Variants in A2ML1 observed in about 807,000 individuals in gnomAD.
The protein encoded by A2ML1 is alpha-2-macroglobulin-like protein 1.
A neutral mutation model predicts 181.9 loss-of-function variants in A2ML1; 161 were observed. The ratio of observed to expected loss-of-function variants is 0.89; its 90% CI spans 0.78 to 1.01. The LOEUF (loss-of-function observed/expected upper bound fraction) is 1.01, where lower values mean the gene tolerates loss of function less well. A2ML1 is among the 50% of genes least tolerant of loss of function. The pLI is 0.00. For missense variants in A2ML1, 1,670 were observed against 1,768.1 expected (o/e 0.94, Z 1.00); for synonymous variants, 663 against 666.8 (o/e 0.99, Z 0.09).
chr12:8,850,346 AGGC>A, intron 18 of A2ML1, 72 bp downstream of exon 18: 4 of 1,164,224 alleles, frequency 3.4e-6, no homozygotes, highest in South Asian at 1.5e-5. Flanking sequence ...ACACTTTGGG[AGGC>A]TTAGGAGGGA....
At chr12:8,828,094 A>G (rs1333848015) in intron 3 of A2ML1, among the ~76,000 whole-genome samples, 1 of 152,156 alleles carries the variant, frequency 6.6e-6, no homozygotes, top group Admixed American at 6.5e-5. Flanking sequence ...GGCCTGTGGT[A>G]ACCAGTACCT....
At position 8,823,228 on chromosome 12, in the gene A2ML1, CAGA is replaced by C. The variant is rs774086428; in HGVS notation, c.112_114del (p.Lys38del). The C allele has an allele frequency of 3.4e-5, 55 of 1,613,986 alleles. No individual in the cohort carries two copies. The highest frequency in any genetic ancestry group is 5.3e-5 in the African/African-American group (4 of 74,912). On this transcript the variant is annotated inframe_deletion, in exon 2 of 36. Transcript: ENST00000299698. ...AGCCCGGCTAAATTTCCCCTCCGTT[CAGA>C]AGGTTTGTTTGGACCTGAGCCCTGG... is the stretch of plus-strand genomic sequence containing the variant.
intron 5 of A2ML1, 106 bp from the exon 6 acceptor site, chr12:8,835,401 C>A (rs1465786835): frequency 2.1e-6 from 3 of 1,417,792 alleles, no homozygotes; most frequent in Non-Finnish European, 2.9e-6. Flanking sequence ...GGGTCATGAA[C>A]AATGGGTGGG....
Position 8,858,085 on chromosome 12 carries a change from C to T in A2ML1, c.3247C>T (p.Leu1083Phe), listed in dbSNP as rs371934378. Residue 1083 changes from leucine to phenylalanine, a missense_variant, in exon 26 of 36, where the codon CTT (leucine) becomes TTT (phenylalanine). Leu to Phe is a conservative substitution (Grantham distance 22). Coordinates refer to ENST00000299698, the MANE Select transcript of A2ML1 (RefSeq NM_144670.6). ...SGCYANVGNL[L>F]HTAMKGGVDD... ...CTGCTATGCCAACGTGGGAAATCTC[C>T]TTCACACAGCTATGAAGGTGCGGAT... The T allele has an allele frequency of 5.0e-6, 8 of 1,613,990 alleles. No individual in the cohort carries two copies. Among genetic ancestry groups the T allele is most frequent in the Non-Finnish European group, 5.1e-6 (6 of 1,180,044 alleles).
In A2ML1 at chr12:8,868,352, C is replaced by T. The variant is rs377520682; in HGVS notation, c.4056C>T (p.His1352=). The change falls in exon 31 of 36, where the codon CAC becomes CAT. Residue 1352 remains histidine (H), a synonymous_variant. Coordinates refer to ENST00000299698, the MANE Select transcript of A2ML1 (RefSeq NM_144670.6). ...CTCGATCCTTGACTCTCACTATTCA[C>T]ACCAGGTGATTAAAGCTGGGGTGCT... The part of the protein sequence containing the change: ...TSPRSLTLTI[H]TSYVGSRSSS... The T allele has an allele frequency of 1.2e-4, 199 of 1,611,504 alleles. No homozygotes were observed. Among genetic ancestry groups the T allele is most frequent in the Non-Finnish European group, 3.6e-5 (42 of 1,179,316 alleles).
Position 8,851,783 on chromosome 12 carries a change from G to A in A2ML1, c.2235-1G>A. Reference sequence around the variant, plus strand: ...TCATGTTGGTCCTTGTGTTTTCACAGTAACTCGGGGAAGGAGGCGGTCCAC... The same window carrying A: ...TCATGTTGGTCCTTGTGTTTTCACAATAACTCGGGGAAGGAGGCGGTCCAC... On this transcript the variant is annotated splice_acceptor_variant, in intron 18 of 35. Transcript: ENST00000299698. LOFTEE classifies it high-confidence loss of function. The A allele has an allele frequency of 6.2e-7, 1 of 1,613,912 alleles. No homozygotes were observed. Among genetic ancestry groups the A allele is most frequent in the Non-Finnish European group, 8.5e-7 (1 of 1,179,980 alleles).
chr12:8,833,784 G>A (rs1943190924), intron 4 of A2ML1, among the ~76,000 whole-genome samples: 1 of 152,054 alleles, frequency 6.6e-6, no homozygotes, highest in African/African-American at 2.4e-5. Context: ...TGTTTATATA[G>A]CCCAGGTTTG....
intron 10 of A2ML1, among the ~76,000 whole-genome samples, chr12:8,840,843 G>T (rs1943443266): frequency 6.6e-6 from 1 of 151,570 alleles, no homozygotes; most frequent in African/African-American, 2.4e-5. Context: ...GGAGGTAGAG[G>T]TTGCAGTGAG....
rs187195559 is a variant in A2ML1 at position 8,849,717 on chromosome 12, G to T, written c.2077G>T (p.Asp693Tyr). ...LSNAKIKKPV[D>Y]CSHRSPEYST... Reference sequence around the variant, plus strand: ...CAATGCCAAAATCAAGAAGCCAGTAGATTGCAGTCACAGATCTCCAGAATA... The same window carrying T: ...CAATGCCAAAATCAAGAAGCCAGTATATTGCAGTCACAGATCTCCAGAATA... The change falls in exon 17 of 36, where the codon GAT becomes TAT. Residue 693 changes from aspartate to tyrosine, a missense_variant. Physicochemically the swap from Asp to Tyr is radical, Grantham distance 160. Coordinates refer to ENST00000299698, the MANE Select transcript of A2ML1 (RefSeq NM_144670.6). 1 of 1,614,200 alleles carries T rather than the reference G, an allele frequency of 6.2e-7. No homozygotes were observed. The highest frequency in any genetic ancestry group is 1.7e-5 in the Admixed American group (1 of 60,024).
rs762185350 is a variant in A2ML1 at position 8,861,000 on chromosome 12, G to A, written c.3339+45G>A. Reference sequence around the variant, plus strand: ...GCTCTTGATACCCTCCTTCTCATGCGTATTCCTAGAGACATTCACCCATCT... The same window carrying A: ...GCTCTTGATACCCTCCTTCTCATGCATATTCCTAGAGACATTCACCCATCT... On this transcript the variant is annotated intron_variant, in intron 27 of 35. Transcript: ENST00000299698. 27 of 1,609,634 alleles carry A rather than the reference G, an allele frequency of 1.7e-5. 1 individual carries two copies. The highest frequency in any genetic ancestry group is 1.3e-4 in the African/African-American group (10 of 74,758).
rs976527393 is a variant in A2ML1 at position 8,849,002 on chromosome 12, C to T, written c.2028+88C>T. On this transcript the variant is annotated intron_variant, in intron 16 of 35. Transcript: ENST00000299698. ...GTTCATATCTAAGAAAGCAGAGAGA[C>T]TCATATGGGCACTGATGGGAACAAA... 11 of 1,402,486 alleles carry T rather than the reference C, an allele frequency of 7.8e-6. No homozygotes were observed. The Admixed American group carries it at 1.9e-4, about 25-fold the overall frequency. The allele number at this position is 1,402,486 out of a possible 1,614,324, so 86.9% of individuals were successfully genotyped here.
At chr12:8,839,892 C>T (rs772758308) in intron 10 of A2ML1, among the ~76,000 whole-genome samples, 34 of 152,180 alleles carry the variant, frequency 2.2e-4, no homozygotes, top group African/African-American at 6.7e-4. Flanking sequence ...GGATTACAGA[C>T]ATGTGTCCCC....
At chr12:8,871,485 AT>A (rs1026080844) in intron 33 of A2ML1, among the ~76,000 whole-genome samples, 5 of 151,792 alleles carry the variant, frequency 3.3e-5, no homozygotes, top group Non-Finnish European at 7.4e-5. Context: ...TTTGTTTAGT[AT>A]TTTTTTGGTA....
At chr12:8,830,881 C>T (rs952956013) in intron 4 of A2ML1, 1 of 151,900 alleles carries the variant, frequency 6.6e-6, no homozygotes. Flanking sequence ...TTTCCTTTTA[C>T]TTCCTCCTTC....
chr12:8,831,094 TGTG>T (rs1943097628), intron 4 of A2ML1: 2 of 151,988 alleles, frequency 1.3e-5, no homozygotes, highest in East Asian at 3.9e-4. Flanking sequence ...GGACCACAGG[TGTG>T]CACTACCACA....
chr12:8,857,505 A>G lies in A2ML1; in HGVS notation c.3026-2A>G. The G allele has an allele frequency of 6.2e-7, 1 of 1,611,636 alleles. No homozygotes were observed. Among genetic ancestry groups the G allele is most frequent in the East Asian group, 2.2e-5 (1 of 44,886 alleles). On this transcript the variant is annotated splice_acceptor_variant, in intron 24 of 35. Transcript: ENST00000299698. LOFTEE classifies it high-confidence loss of function. ...GATCTAAAACCACATTTGGCTTCCC[A>G]GGGTACCAGAAGGAGCTGATGTACA...
chr12:8,857,124 C>T (rs781031361), intron 23 of A2ML1, 40 bp from the exon 24 acceptor site: 1 of 1,589,334 alleles, frequency 6.3e-7, no homozygotes, highest in African/African-American at 1.3e-5. Flanking sequence ...GTCCCTTCTT[C>T]TCTGTACCCC....
intron 13 of A2ML1, among the ~76,000 whole-genome samples, 188 bp from the exon 14 acceptor site, chr12:8,845,866 AAATAAAATAAAATAAAATAAAAT>A (rs1200862978): frequency 0.12 from 114 of 990 alleles, 5 homozygotes; most frequent in Non-Finnish European, 0.22. Context: ...AAAAAAAAAT[AAATAAAATAAAATAAAATAAAAT>A]AAAAAAATTC....
chr12:8,877,334 A>C (rs1565499415), downstream of A2ML1, among the ~76,000 whole-genome samples: 1 of 152,370 alleles, frequency 6.6e-6, no homozygotes, highest in East Asian at 1.9e-4. Context: ...AAAAAATGAC[A>C]GATGGGACCT....
Sources: gnomAD v4.1 joint callset for allele counts (sites outside exome capture counted in the v4.1 genomes callset) on GRCh38, gnomAD v4.1.1 for gene constraint, MANE v1.5 for transcripts, NCBI Gene and HGNC (gene_info 2026-07-23, HGNC 2026-07-21) for gene names.